The following ZNF185 variants were observed in gnomAD, a reference collection of about 807,000 sequenced individuals.
ZNF185 encodes zinc finger protein 185 with LIM domain.
Under a neutral mutation model 58.6 loss-of-function variants are expected in ZNF185, and 56 were observed. The ratio of observed to expected loss-of-function variants is 0.95; its 90% CI spans 0.77 to 1.19. The LOEUF is 1.19. Ranked by LOEUF, ZNF185 falls within the 50% of genes most tolerant of loss-of-function variation. The probability of loss-of-function intolerance (pLI) is 0.00; values close to 1 mark genes in which losing one functional copy is unlikely to be tolerated. For synonymous variants in ZNF185, 230 were observed against 215.9 expected (o/e 1.07, Z -0.57); for missense variants, 627 against 573.5 (o/e 1.09, Z -0.95).
chrX:152,927,275 T>C (rs782202212), intron 11 of ZNF185, among the ~76,000 whole-genome samples: 13 of 112,329 alleles, frequency 1.2e-4, no homozygotes, highest in Admixed American at 7.5e-4. Flanking sequence ...GCTGTCTGTG[T>C]GTCTAGGGCC....
At chrX:152,962,912 C>A (rs2049689624) in intron 17 of ZNF185, among the ~76,000 whole-genome samples, 1 of 112,953 alleles carries the variant, frequency 8.9e-6, no homozygotes, top group Non-Finnish European at 1.9e-5. Flanking sequence ...TAATCTTAGG[C>A]ATTGGATTCT....
At chrX:152,972,101 T>A (rs1463139427) in exon 23 of ZNF185, 2 of 112,273 alleles carry the variant, frequency 1.8e-5, no homozygotes, top group Non-Finnish European at 3.8e-5. Context: ...AGCTAACATT[T>A]CTTGAGGCTC....
intron 14 of ZNF185, among the ~76,000 whole-genome samples, chrX:152,936,819 G>T (rs1052404509): frequency 2.4e-4 from 27 of 110,312 alleles, no homozygotes; most frequent in Middle Eastern, 4.6e-3. Flanking sequence ...CTGCTAGGAG[G>T]TCTCAGAGAA....
At chrX:152,930,534 G>A (rs782434167) in intron 12 of ZNF185, among the ~76,000 whole-genome samples, 10 of 111,359 alleles carry the variant, frequency 9.0e-5, no homozygotes, top group South Asian at 3.8e-4. Flanking sequence ...GTCTCTTCTC[G>A]CCATGTTGAG....
chrX:152,931,448 TGGAGTCTA>T (rs1419120456), intron 12 of ZNF185, among the ~76,000 whole-genome samples: 7 of 112,124 alleles, frequency 6.2e-5, no homozygotes, highest in African/African-American at 2.3e-4. Flanking sequence ...TTTGTGGAGA[TGGAGTCTA>T]GCTGTGTTTC....
chrX:152,941,604 C>T (rs1351500436), intron 15 of ZNF185: 5 of 1,098,470 alleles, frequency 4.6e-6, no homozygotes, highest in Non-Finnish European at 4.8e-6. Flanking sequence ...TGCACCTCGG[C>T]GAGCACGCGC....
chrX:152,937,643 A>C (rs1183355555), intron 14 of ZNF185, among the ~76,000 whole-genome samples: 1 of 112,366 alleles, frequency 8.9e-6, no homozygotes, highest in Admixed American at 9.4e-5. Context: ...TTTTACAGAC[A>C]ATAGTGGTTT....
At chrX:152,967,757 A>G (rs1325737645) in intron 20 of ZNF185, among the ~76,000 whole-genome samples, 1 of 112,177 alleles carries the variant, frequency 8.9e-6, no homozygotes. Flanking sequence ...AGCTGTCACT[A>G]GATGATGGCA....
chrX:152,967,407 C>CTTGTGACACA (rs2050226845), intron 20 of ZNF185, among the ~76,000 whole-genome samples, 169 bp downstream of exon 22: 2 of 112,123 alleles, frequency 1.8e-5, no homozygotes, highest in South Asian at 7.5e-4. Context: ...GTTGGGATAT[C>CTTGTGACACA]ACACTTGTGA....
chrX:152,903,586 C>T, the ZNF185 span, among the ~76,000 whole-genome samples: 1 of 108,828 alleles, frequency 9.2e-6, no homozygotes, highest in South Asian at 4.0e-4. Flanking sequence ...CACATTGGTT[C>T]CCTGGCTGCA....
the ZNF185 span, among the ~76,000 whole-genome samples, chrX:152,903,376 C>T: frequency 5.0e-4 from 34 of 67,485 alleles, no homozygotes; most frequent in Admixed American, 1.0e-3. Flanking sequence ...GGTGACAGAG[C>T]GAGACTCGTC....
At chrX:152,942,987 A>G (rs1271616929) in intron 15 of ZNF185, among the ~76,000 whole-genome samples, 1 of 111,823 alleles carries the variant, frequency 8.9e-6, no homozygotes, top group African/African-American at 3.3e-5. Context: ...TGTATATCAT[A>G]TATATGATGT....
chrX:152,930,766 A>G (rs1556876583), intron 12 of ZNF185, among the ~76,000 whole-genome samples: 1 of 111,386 alleles, frequency 9.0e-6, no homozygotes, highest in Non-Finnish European at 1.9e-5. Context: ...TGACAGGATC[A>G]AGGGAGGAGG....
At chrX:152,945,809 T>G (rs1556894664) in intron 16 of ZNF185, among the ~76,000 whole-genome samples, 2 of 111,224 alleles carry the variant, frequency 1.8e-5, no homozygotes. Flanking sequence ...GAGGGCTATT[T>G]GTGTGGGTAA....
At chrX:152,941,655 C>G (rs782051124) in intron 15 of ZNF185, 10 of 1,155,869 alleles carry the variant, frequency 8.7e-6, no homozygotes, top group Non-Finnish European at 1.2e-5. Flanking sequence ...TTTCTTGAAG[C>G]CCCGAACTCG....
At chrX:152,902,771 G>A in the ZNF185 span, among the ~76,000 whole-genome samples, 4 of 112,069 alleles carry the variant, frequency 3.6e-5, no homozygotes, top group Non-Finnish European at 7.5e-5. Flanking sequence ...AAAAATAGGG[G>A]CAGTGTTAGA....
At chrX:152,927,188 A>C (rs896042991) in intron 11 of ZNF185, among the ~76,000 whole-genome samples, 13 of 112,426 alleles carry the variant, frequency 1.2e-4, no homozygotes, top group African/African-American at 4.2e-4. Context: ...GGGGTTTTAT[A>C]CTGTCATCAT....
chrX:152,922,852 G>A, intron 11 of ZNF185, 43 bp downstream of exon 12: 1 of 1,127,198 alleles, frequency 8.9e-7, no homozygotes, highest in Non-Finnish European at 1.2e-6. Context: ...TGGGTGTGAT[G>A]GCTTCCCGCC....
chrX:152,941,946 G>C (rs1275139698), intron 15 of ZNF185: 8 of 967,355 alleles, frequency 8.3e-6, no homozygotes, highest in African/African-American at 8.2e-5. Context: ...GCTTGAGCTT[G>C]TTTCGCAGGG....
Sources: allele counts gnomAD v4.1 joint callset (sites outside exome capture counted in the v4.1 genomes callset), GRCh38; gene constraint gnomAD v4.1.1; transcripts MANE v1.5; gene names NCBI Gene and HGNC (gene_info 2026-07-23, HGNC 2026-07-21).